Variants in KIF6 observed in about 807,000 individuals in gnomAD.
KIF6 encodes kinesin-like protein KIF6.
In KIF6, 106 loss-of-function variants were observed where a neutral mutation model predicts 112.7. The ratio of observed to expected loss-of-function variants is 0.94; its 90% confidence interval spans 0.80 to 1.11. KIF6 has a LOEUF of 1.11. Ranked by LOEUF, KIF6 falls within the 50% of genes least tolerant of loss-of-function variation. KIF6 has a pLI of 0.00. For missense variants in KIF6, 929 were observed against 964.0 expected (o/e 0.96, Z 0.48); for synonymous variants, 339 against 339.9 (o/e 1.00, Z 0.03).
intron 13 of KIF6, among the ~76,000 whole-genome samples, chr6:39,444,057 C>T (rs1327240659): frequency 6.6e-6 from 1 of 152,160 alleles, no homozygotes; most frequent in East Asian, 1.9e-4. Flanking sequence ...TTTGCATATA[C>T]TAGAGGCATT....
rs1763403595 is a variant in KIF6 at position 39,342,635 on chromosome 6, T to G, written c.2428+1074A>C. On this transcript the variant is annotated intron_variant, in intron 22 of 22. Transcript: ENST00000287152. This position sits in a 1 kb window ranked among gnomAD's most constrained non-coding sequence, Gnocchi z 4.7. Reference sequence around the variant, plus strand: ...TATTTTTTTTTATTTTTTTTTATTTTTAGACAAGGAAACTGAGAATGAGAC... The same window carrying G: ...TATTTTTTTTTATTTTTTTTTATTTGTAGACAAGGAAACTGAGAATGAGAC... Among the ~76,000 whole-genome samples, 1 of 132,102 alleles carries G rather than the reference T, an allele frequency of 7.6e-6. No individual in the cohort carries two copies. The highest frequency in any genetic ancestry group is 1.5e-5 in the Non-Finnish European group (1 of 65,316). The allele number at this position is 132,102 out of a possible 152,430, so 86.7% of individuals were successfully genotyped here. A position where few individuals can be genotyped will look rare whatever the true frequency, so the allele number is the denominator to read the frequency against.
intron 10 of KIF6, among the ~76,000 whole-genome samples, chr6:39,547,120 T>C (rs1779110919): frequency 6.6e-6 from 1 of 152,242 alleles, no homozygotes; most frequent in Non-Finnish European, 1.5e-5. Context: ...CTAGTACTAT[T>C]ATGAAAATAT....
At position 39,343,571 on chromosome 6, in the gene KIF6, G is replaced by A. The variant is rs1369269385; in HGVS notation, c.2428+138C>T. ...AGAAGGAATCAGAGGCTGGGCACAT[G>A]TGACTGACAGGCAGGCCAGTCCTGT... On this transcript the variant is annotated intron_variant, in intron 22 of 22. Coordinates refer to ENST00000287152, the MANE Select transcript of KIF6 (RefSeq NM_145027.6). The surrounding 1 kb of genome is among the most constrained non-coding windows in gnomAD (Gnocchi z 4.1). The A allele has an allele frequency of 3.3e-6, 4 of 1,224,464 alleles. No homozygotes were observed. In the African/African-American group the frequency reaches 4.5e-5, roughly 14 times the overall value. The allele number at this position is 1,224,464 out of a possible 1,614,324, so 75.8% of individuals were successfully genotyped here. A position where few individuals can be genotyped will look rare whatever the true frequency, so the allele number is the denominator to read the frequency against.
At chr6:39,639,895 G>A in intron 3 of KIF6, 138 bp from the exon 4 acceptor site, 1 of 656,096 alleles carries the variant, frequency 1.5e-6, no homozygotes, top group Non-Finnish European at 2.5e-6. Context: ...ATTTATATAT[G>A]TGAATATCTA....
At chr6:39,578,009 C>G (rs754130547) in intron 10 of KIF6, 47 bp downstream of exon 10, 3 of 1,301,298 alleles carry the variant, frequency 2.3e-6, no homozygotes. Context: ...GAAGTTAACA[C>G]AAACTTTCAC....
At chr6:39,494,071 C>G (rs1366880752) in intron 13 of KIF6, among the ~76,000 whole-genome samples, 1 of 152,202 alleles carries the variant, frequency 6.6e-6, no homozygotes, top group African/African-American at 2.4e-5. Context: ...CCTCTTTAAT[C>G]CTTTAGGGAA....
At chr6:39,557,946 T>C (rs1352405763) in intron 10 of KIF6, among the ~76,000 whole-genome samples, 3 of 149,516 alleles carry the variant, frequency 2.0e-5, no homozygotes, top group South Asian at 4.2e-4. Flanking sequence ...CTATCCCCCT[T>C]TTTTTTTTGC....
At chr6:39,534,093 A>G (rs1484294506) in intron 13 of KIF6, among the ~76,000 whole-genome samples, 1 of 152,170 alleles carries the variant, frequency 6.6e-6, no homozygotes, top group African/African-American at 2.4e-5. Context: ...AAAAGTAGAT[A>G]AAACCACAAA....
intron 3 of KIF6, 115 bp from the exon 4 acceptor site, chr6:39,639,872 A>C: frequency 1.2e-6 from 1 of 842,638 alleles, no homozygotes; most frequent in South Asian, 2.1e-5. Context: ...CTTTATAGAA[A>C]TATCTATTAA....
chr6:39,582,811 C>A (rs1781368988), intron 9 of KIF6, among the ~76,000 whole-genome samples: 1 of 152,138 alleles, frequency 6.6e-6, no homozygotes, highest in South Asian at 2.1e-4. Flanking sequence ...GGAAATGCCA[C>A]CCAAGTTTTG....
intron 3 of KIF6, among the ~76,000 whole-genome samples, chr6:39,661,487 T>C (rs543150886): frequency 6.6e-6 from 1 of 152,298 alleles, no homozygotes; most frequent in East Asian, 1.9e-4. Context: ...AAGAATTCAT[T>C]CTTTTTTTCT....
At chr6:39,571,386 C>T (rs1354407668) in intron 10 of KIF6, among the ~76,000 whole-genome samples, 3 of 152,114 alleles carry the variant, frequency 2.0e-5, no homozygotes, top group Admixed American at 6.6e-5. Context: ...TTAAAAAAGA[C>T]GTCATCACAT....
At chr6:39,552,247 CAT>C (rs1437378750) in intron 10 of KIF6, among the ~76,000 whole-genome samples, 1 of 152,214 alleles carries the variant, frequency 6.6e-6, no homozygotes, top group Non-Finnish European at 1.5e-5. Context: ...TGACTTTACA[CAT>C]GTTTTCTTAT....
intron 13 of KIF6, among the ~76,000 whole-genome samples, chr6:39,532,882 T>G (rs1223534508): frequency 6.6e-6 from 1 of 152,202 alleles, no homozygotes; most frequent in Non-Finnish European, 1.5e-5. Flanking sequence ...TTCCTCAATG[T>G]GTTTAAGGGA....
At chr6:39,336,907 TC>T (rs1762939424) in intron 22 of KIF6, among the ~76,000 whole-genome samples, 2 of 139,426 alleles carry the variant, frequency 1.4e-5, no homozygotes, top group African/African-American at 6.5e-5. Context: ...TCCTTCCCTT[TC>T]TTCCCTTTCT....
At chr6:39,440,749 T>C (rs901221877) in intron 13 of KIF6, among the ~76,000 whole-genome samples, 21 of 152,226 alleles carry the variant, frequency 1.4e-4, no homozygotes, top group South Asian at 1.2e-3. Context: ...AGGGATAATC[T>C]ATCGAGCTGT....
chr6:39,432,360 C>G lies in KIF6; in HGVS notation c.1646-1199G>C, dbSNP rs2150383218. Among the ~76,000 whole-genome samples, 6 of 152,258 alleles carry G rather than the reference C, an allele frequency of 3.9e-5. 1 individual carries two copies. In the Middle Eastern group the frequency reaches 0.02, roughly 518 times the overall value. On this transcript the variant is annotated intron_variant, in intron 13 of 22. Coordinates refer to ENST00000287152, the MANE Select transcript of KIF6 (RefSeq NM_145027.6). ...AACACAGTCCAGGGTTAGTGAGGCT[C>G]ACTCTGAGGCCAAGGGTTCCGCAGA...
At chr6:39,609,085 A>G (rs925488509) in intron 6 of KIF6, among the ~76,000 whole-genome samples, 1 of 152,238 alleles carries the variant, frequency 6.6e-6, no homozygotes, top group African/African-American at 2.4e-5. Context: ...GTCCAAGGAC[A>G]CACACTTGGC....
chr6:39,689,433 G>A (rs1396605731), intron 3 of KIF6, among the ~76,000 whole-genome samples: 2 of 151,960 alleles, frequency 1.3e-5, no homozygotes, highest in Non-Finnish European at 2.9e-5. Context: ...GGAGGCTGAG[G>A]CTGCAATGAG....
Sources: allele counts gnomAD v4.1 joint callset (sites outside exome capture counted in the v4.1 genomes callset), GRCh38; gene constraint gnomAD v4.1.1; non-coding constraint Gnocchi (gnomAD v3.1); transcripts MANE v1.5; gene names NCBI Gene and HGNC (gene_info 2026-07-23, HGNC 2026-07-21).